The following MAPRE2 variants were observed in gnomAD, a reference collection of about 807,000 sequenced individuals.
The protein encoded by MAPRE2 is microtubule-associated protein RP/EB family member 2.
In MAPRE2, 13 loss-of-function variants were observed where a neutral mutation model predicts 43.2. The observed-to-expected ratio is 0.30, with a 90% CI of 0.20 to 0.48. The LOEUF is 0.48. MAPRE2 is among the 20% of genes least tolerant of loss of function. The pLI, the probability that MAPRE2 is intolerant of heterozygous loss-of-function variation, is 0.99. For missense variants in MAPRE2, 161 were observed against 400.2 expected (o/e 0.40, Z 5.10); for synonymous variants, 135 against 148.8 (o/e 0.91, Z 0.68).
At chr18:35,034,010 C>G (rs2097049174) in intron 2 of MAPRE2, among the ~76,000 whole-genome samples, 1 of 151,698 alleles carries the variant, frequency 6.6e-6, no homozygotes, top group Non-Finnish European at 1.5e-5. Context: ...TTGGAAAAAA[C>G]TACTTTAAAG....
chr18:35,046,179 G>A (rs1905612629), intron 1 of MAPRE2, among the ~76,000 whole-genome samples: 1 of 152,162 alleles, frequency 6.6e-6, no homozygotes, highest in Non-Finnish European at 1.5e-5. Context: ...TATTCTGTTT[G>A]GTTTAGAGAA....
chr18:35,036,382 T>C (rs1330271105), intron 2 of MAPRE2, among the ~76,000 whole-genome samples: 3 of 152,224 alleles, frequency 2.0e-5, no homozygotes, highest in African/African-American at 2.4e-5. Context: ...TCAGACTTTT[T>C]TGTTATGGTG....
At chr18:35,116,219 G>A (rs537946619) in intron 4 of MAPRE2, among the ~76,000 whole-genome samples, 7 of 152,320 alleles carry the variant, frequency 4.6e-5, no homozygotes, top group Admixed American at 1.3e-4. Flanking sequence ...TTAGCCAAAC[G>A]GAGGTGTATT....
At chr18:35,011,198 G>A (rs759221605) in intron 2 of MAPRE2, among the ~76,000 whole-genome samples, 1 of 152,146 alleles carries the variant, frequency 6.6e-6, no homozygotes, top group Non-Finnish European at 1.5e-5. Context: ...GGAGTCCTCA[G>A]CAGCAACAGC....
intron 1 of MAPRE2, among the ~76,000 whole-genome samples, chr18:35,053,608 T>C (rs1452006440): frequency 6.6e-6 from 1 of 151,374 alleles, no homozygotes; most frequent in Admixed American, 6.6e-5. Context: ...CATTCTTTTC[T>C]TTGTATTGTG....
At chr18:35,103,122 G>C (rs1569004499) in intron 4 of MAPRE2, among the ~76,000 whole-genome samples, 1 of 152,082 alleles carries the variant, frequency 6.6e-6, no homozygotes, top group Non-Finnish European at 1.5e-5. Context: ...CAGGCAGACT[G>C]AAACCATTGG....
chr18:35,015,845 G>T (rs1464180236), intron 2 of MAPRE2, among the ~76,000 whole-genome samples: 1 of 151,932 alleles, frequency 6.6e-6, no homozygotes, highest in Non-Finnish European at 1.5e-5. Flanking sequence ...GGGTACACAT[G>T]CAGTTTTATT....
chr18:35,030,921 T>G (rs1434724409), intron 2 of MAPRE2, among the ~76,000 whole-genome samples: 1 of 152,224 alleles, frequency 6.6e-6, no homozygotes, highest in Non-Finnish European at 1.5e-5. Context: ...CCTTTGCACT[T>G]TCTGTTGGCT....
intron 4 of MAPRE2, among the ~76,000 whole-genome samples, chr18:35,120,764 A>G (rs1349500675): frequency 1.3e-5 from 2 of 152,184 alleles, no homozygotes; most frequent in African/African-American, 4.8e-5. Flanking sequence ...GTTAAAAAAT[A>G]TAATCTCTTT....
At chr18:35,043,538 C>T (rs1255940482) in intron 1 of MAPRE2, among the ~76,000 whole-genome samples, 1 of 152,196 alleles carries the variant, frequency 6.6e-6, no homozygotes. Context: ...TCAACCCAGG[C>T]TATTATTTGC....
intron 1 of MAPRE2, among the ~76,000 whole-genome samples, chr18:34,986,196 A>G (rs1027373855): frequency 2.0e-5 from 3 of 152,178 alleles, no homozygotes; most frequent in Non-Finnish European, 2.9e-5. Flanking sequence ...AAATGAAATG[A>G]GAGGATTAGC....
At chr18:35,083,916 A>G (rs1208417099) in intron 2 of MAPRE2, among the ~76,000 whole-genome samples, 5 of 152,202 alleles carry the variant, frequency 3.3e-5, no homozygotes, top group African/African-American at 7.2e-5. Context: ...TCCTTTTGAA[A>G]GATAGTAGAA....
intron 1 of MAPRE2, among the ~76,000 whole-genome samples, chr18:35,045,894 A>G (rs745369854): frequency 6.6e-6 from 1 of 152,230 alleles, no homozygotes; most frequent in Non-Finnish European, 1.5e-5. Flanking sequence ...GCTTTAGTAC[A>G]TGCCCAACTC....
chr18:35,103,342 A>T (rs1603401261), intron 4 of MAPRE2, among the ~76,000 whole-genome samples: 1 of 152,156 alleles, frequency 6.6e-6, no homozygotes, highest in South Asian at 2.1e-4. Context: ...GAATGCTGGG[A>T]TAAAAGAGAA....
intron 2 of MAPRE2, among the ~76,000 whole-genome samples, chr18:35,079,040 A>G (rs554041959): frequency 6.6e-6 from 1 of 152,298 alleles, no homozygotes; most frequent in Admixed American, 6.5e-5. Context: ...GCCACCTGCC[A>G]TGGAGGAACT....
chr18:35,062,616 G>A (rs544726162), intron 1 of MAPRE2, among the ~76,000 whole-genome samples: 1 of 152,306 alleles, frequency 6.6e-6, no homozygotes, highest in South Asian at 2.1e-4. Context: ...AAAGTCCAGT[G>A]ACTGGCAAAG....
intron 2 of MAPRE2, among the ~76,000 whole-genome samples, chr18:35,074,568 T>G (rs905564465): frequency 6.6e-6 from 1 of 152,140 alleles, no homozygotes; most frequent in Admixed American, 6.5e-5. Context: ...ACCTCAAGCC[T>G]CCTTTGAGAC....
chr18:35,076,892 C>T (rs1907384549), intron 2 of MAPRE2, among the ~76,000 whole-genome samples: 1 of 152,144 alleles, frequency 6.6e-6, no homozygotes, highest in African/African-American at 2.4e-5. Context: ...GGGTAGATGT[C>T]ATGTGACTGC....
chr18:35,078,619 CTGTA>C (rs1907484719), intron 2 of MAPRE2, among the ~76,000 whole-genome samples: 1 of 152,132 alleles, frequency 6.6e-6, no homozygotes, highest in African/African-American at 2.4e-5. Context: ...ACTCTCATTG[CTGTA>C]TGTGTGGCAG....
Sources: allele counts gnomAD v4.1 joint callset (sites outside exome capture counted in the v4.1 genomes callset), GRCh38; gene constraint gnomAD v4.1.1; transcripts MANE v1.5; gene names NCBI Gene and HGNC (gene_info 2026-07-23, HGNC 2026-07-21).